LRP1B: variants seen among roughly 807,000 people sequenced by gnomAD.
The protein encoded by LRP1B is low-density lipoprotein receptor-related protein 1B.
Under a neutral mutation model 556.6 loss-of-function variants are expected in LRP1B, and 217 were observed. That is an observed-to-expected ratio of 0.39 (90% confidence interval 0.35 to 0.44). The LOEUF (loss-of-function observed/expected upper bound fraction) is 0.44. LRP1B is among the 20% of genes least tolerant of loss of function. The probability of loss-of-function intolerance (pLI) is 1.00; values close to 1 mark genes in which losing one functional copy is unlikely to be tolerated. For synonymous variants in LRP1B, 2,047 were observed against 1,865.8 expected, an observed-to-expected ratio of 1.10 and a Z score of -2.50; for missense variants, 5,053 against 5,620.8, an observed-to-expected ratio of 0.90 and a Z score of 3.23.
At chr2:140,556,096 G>A (rs1230296056) in intron 43 of LRP1B, among the ~76,000 whole-genome samples, 1 of 152,038 alleles carries the variant, frequency 6.6e-6, no homozygotes, top group Non-Finnish European at 1.5e-5. Context: ...AGGGGAGGCA[G>A]GGTGTCTCCA....
intron 1 of LRP1B, among the ~76,000 whole-genome samples, chr2:141,850,557 ATG>A (rs910196906): frequency 3.3e-5 from 5 of 149,348 alleles, no homozygotes; most frequent in Admixed American, 6.7e-5. Flanking sequence ...ATATATATAT[ATG>A]TGTGTGTGTG....
Position 140,808,549 on chromosome 2 carries a change from G to C in LRP1B, c.5359+5108C>G, listed in dbSNP as rs141413651. On this transcript the variant is annotated intron_variant, in intron 32 of 90. Coordinates refer to ENST00000389484, the MANE Select transcript of LRP1B (RefSeq NM_018557.3). ...ATAAACTTCCTTATCTATTTTCCCT[G>C]ATCTGCTATTTTTTCCCTTAATATT... 6.9e-4 allele frequency among the ~76,000 whole-genome samples: 105 copies of C among 152,140 alleles called. 1 individual carries two copies. The highest frequency in any genetic ancestry group is 1.1e-3 in the Non-Finnish European group (72 of 68,006).
At chr2:140,987,564 A>G (rs548515553) in intron 17 of LRP1B, among the ~76,000 whole-genome samples, 41 of 152,284 alleles carry the variant, frequency 2.7e-4, no homozygotes, top group Admixed American at 1.7e-3. Flanking sequence ...TAAAAATCTA[A>G]TAGTAATGAA....
At chr2:140,771,884 A>G (rs1218202810) in intron 33 of LRP1B, among the ~76,000 whole-genome samples, 2 of 152,242 alleles carry the variant, frequency 1.3e-5, no homozygotes, top group Non-Finnish European at 2.9e-5. Context: ...TGAAAGCTCT[A>G]TATCAATAGT....
chr2:140,584,120 T>C (rs1319290506), intron 43 of LRP1B, among the ~76,000 whole-genome samples: 1 of 152,082 alleles, frequency 6.6e-6, no homozygotes, highest in African/African-American at 2.4e-5. Context: ...CAAGCTCAAA[T>C]AAATTCATGT....
chr2:140,252,062 C>CAAAAAAAAA, intron 86 of LRP1B, among the ~76,000 whole-genome samples: 26 of 18,548 alleles, frequency 1.4e-3, no homozygotes, highest in East Asian at 5.6e-3. Flanking sequence ...TGACAAGATG[C>CAAAAAAAAA]AAAAAAAAAA....
chr2:140,962,735 A>G (rs1196168973), intron 18 of LRP1B, among the ~76,000 whole-genome samples: 2 of 152,196 alleles, frequency 1.3e-5, no homozygotes, highest in Non-Finnish European at 2.9e-5. Flanking sequence ...CGGGATATCA[A>G]ACTACACAAT....
intron 1 of LRP1B, among the ~76,000 whole-genome samples, chr2:141,832,804 A>G (rs1697154417): frequency 1.3e-5 from 2 of 151,912 alleles, no homozygotes; most frequent in Admixed American, 1.3e-4. Flanking sequence ...GATTGTAGAA[A>G]TGAAGTCTCA....
At chr2:141,309,111 T>C (rs1686713949) in intron 3 of LRP1B, among the ~76,000 whole-genome samples, 1 of 152,218 alleles carries the variant, frequency 6.6e-6, no homozygotes, top group Admixed American at 6.5e-5. Flanking sequence ...TGGAACCACA[T>C]GTGAGATACT....
At chr2:141,170,173 C>A (rs1017180111) in intron 7 of LRP1B, among the ~76,000 whole-genome samples, 1 of 152,060 alleles carries the variant, frequency 6.6e-6, no homozygotes, top group Admixed American at 6.6e-5. Flanking sequence ...GCAACCAAGC[C>A]ACCAGTCCTA....
intron 1 of LRP1B, among the ~76,000 whole-genome samples, chr2:141,829,654 T>C (rs577220045): frequency 6.6e-6 from 1 of 152,176 alleles, no homozygotes; most frequent in South Asian, 2.1e-4. Context: ...AGAGGGAAAG[T>C]CTGAACACCT....
At chr2:140,788,386 T>A (rs1471249005) in intron 32 of LRP1B, among the ~76,000 whole-genome samples, 1 of 152,188 alleles carries the variant, frequency 6.6e-6, no homozygotes, top group Non-Finnish European at 1.5e-5. Flanking sequence ...TTTACACTAC[T>A]TCTCTTGTGT....
intron 1 of LRP1B, among the ~76,000 whole-genome samples, chr2:142,008,849 T>C (rs74585138): frequency 0.025 from 3,866 of 152,204 alleles, 162 homozygotes; most frequent in East Asian, 0.17. Context: ...TATATTATTT[T>C]ATTTATATAT....
At chr2:141,639,629 T>C (rs1574178181) in intron 2 of LRP1B, among the ~76,000 whole-genome samples, 1 of 151,816 alleles carries the variant, frequency 6.6e-6, no homozygotes, top group Non-Finnish European at 1.5e-5. Context: ...ATAATAACAA[T>C]GTATACATTT....
intron 3 of LRP1B, among the ~76,000 whole-genome samples, chr2:141,345,032 G>T (rs146355356): frequency 6.6e-6 from 1 of 152,076 alleles, no homozygotes; most frequent in Non-Finnish European, 1.5e-5. Flanking sequence ...TAATCACAAG[G>T]GTCCTTACAA....
intron 35 of LRP1B, among the ~76,000 whole-genome samples, chr2:140,748,135 AT>A (rs1466368518): frequency 0.25 from 7,576 of 30,504 alleles, 735 homozygotes; most frequent in East Asian, 0.47. Flanking sequence ...ATATATATAT[AT>A]AATTCATATA....
chr2:141,710,507 T>C (rs1349771038), intron 2 of LRP1B, among the ~76,000 whole-genome samples: 1 of 152,182 alleles, frequency 6.6e-6, no homozygotes, highest in African/African-American at 2.4e-5. Context: ...ATGTGATACA[T>C]TTCAGGATTA....
At chr2:141,202,921 C>T (rs1204698342) in intron 6 of LRP1B, among the ~76,000 whole-genome samples, 1 of 151,992 alleles carries the variant, frequency 6.6e-6, no homozygotes, top group Admixed American at 6.6e-5. Flanking sequence ...ATGCTCCCCT[C>T]CCTATGACCA....
At chr2:141,519,921 C>T (rs1261088393) in intron 2 of LRP1B, among the ~76,000 whole-genome samples, 2 of 152,106 alleles carry the variant, frequency 1.3e-5, no homozygotes, top group African/African-American at 4.8e-5. Context: ...AGTAGCCTTA[C>T]ATTTCCTCTG....
Sources: allele counts gnomAD v4.1 joint callset (sites outside exome capture counted in the v4.1 genomes callset), GRCh38; gene constraint gnomAD v4.1.1; transcripts MANE v1.5; gene names NCBI Gene and HGNC (gene_info 2026-07-23, HGNC 2026-07-21).